The following GRID1 variants were observed in gnomAD, a reference collection of about 807,000 sequenced individuals.
GRID1 encodes glutamate receptor ionotropic, delta-1.
GRID1 carries 28 observed loss-of-function variants against 98.0 expected under a neutral mutation model. The observed-to-expected ratio is 0.29, with a 90% CI of 0.21 to 0.39. GRID1 has a LOEUF of 0.39. GRID1 is among the 10% of genes least tolerant of loss of function. The pLI is 1.00. For synonymous variants in GRID1, 553 were observed against 538.5 expected, an observed-to-expected ratio of 1.03 and a Z score of -0.37; for missense variants, 1,111 against 1,340.5, an observed-to-expected ratio of 0.83 and a Z score of 2.67.
intron 4 of GRID1, among the ~76,000 whole-genome samples, chr10:86,070,965 G>A (rs746366430): frequency 2.0e-5 from 3 of 152,152 alleles, no homozygotes; most frequent in Non-Finnish European, 4.4e-5. Context: ...ATCTCCAGGG[G>A]CCAATCCTGC....
chr10:85,727,296 C>A (rs1040725820), intron 10 of GRID1, among the ~76,000 whole-genome samples: 1 of 152,006 alleles, frequency 6.6e-6, no homozygotes, highest in Non-Finnish European at 1.5e-5. Flanking sequence ...GGGAAATGAC[C>A]CAGTGTCATG....
chr10:85,752,862 A>T (rs1842060870), intron 8 of GRID1, among the ~76,000 whole-genome samples: 1 of 152,182 alleles, frequency 6.6e-6, no homozygotes, highest in South Asian at 2.1e-4. Context: ...TCTAAGGGTT[A>T]TTTTAGTTAA....
At chr10:85,902,351 G>C (rs1021231598) in intron 5 of GRID1, among the ~76,000 whole-genome samples, 2 of 152,208 alleles carry the variant, frequency 1.3e-5, no homozygotes, top group African/African-American at 4.8e-5. Flanking sequence ...ACACTATGCA[G>C]AAGAGCATGC....
intron 12 of GRID1, among the ~76,000 whole-genome samples, chr10:85,698,037 T>A (rs80211111): frequency 1.3e-5 from 2 of 152,214 alleles, no homozygotes; most frequent in East Asian, 3.9e-4. Flanking sequence ...ACGGTGAGTA[T>A]GTGAGGGTAT....
chr10:85,918,545 T>A (rs1841653068), intron 4 of GRID1, among the ~76,000 whole-genome samples: 1 of 152,172 alleles, frequency 6.6e-6, no homozygotes, highest in Non-Finnish European at 1.5e-5. Flanking sequence ...ATGCACACTA[T>A]AGCCCAGTCA....
chr10:86,136,654 G>A (rs936980900), intron 4 of GRID1, among the ~76,000 whole-genome samples: 1 of 152,206 alleles, frequency 6.6e-6, no homozygotes, highest in East Asian at 1.9e-4. Flanking sequence ...CTAATGACAG[G>A]CGCATGAGAA....
At chr10:86,066,434 A>G (rs1843721374) in intron 4 of GRID1, among the ~76,000 whole-genome samples, 1 of 152,184 alleles carries the variant, frequency 6.6e-6, no homozygotes, top group Admixed American at 6.5e-5. Flanking sequence ...TTTAGCCCTA[A>G]GAGAGGACAC....
At chr10:86,006,075 A>G (rs568086787) in intron 4 of GRID1, among the ~76,000 whole-genome samples, 35 of 152,342 alleles carry the variant, frequency 2.3e-4, no homozygotes, top group Non-Finnish European at 4.4e-4. Context: ...ATCAAATATC[A>G]AAAATTATTA....
intron 8 of GRID1, among the ~76,000 whole-genome samples, chr10:85,811,984 C>T (rs1165580446): frequency 6.6e-6 from 1 of 152,030 alleles, no homozygotes; most frequent in Non-Finnish European, 1.5e-5. Context: ...TAAGAGAATT[C>T]CAATTAGACC....
rs150324499 is a variant in GRID1, at chr10:86,057,116, T to C, written c.726+81703A>G. Among the ~76,000 whole-genome samples, 15 of 152,326 alleles carry C rather than the reference T, an allele frequency of 9.8e-5. No individual in the cohort carries two copies. The East Asian group carries it at 2.5e-3, about 25-fold the overall frequency. ...ACCCTCCAGTGAGTGGAGAGGACTC[T>C]ACAGAGGTTTCTACAGGGTTGTGAG... On this transcript the variant is annotated intron_variant, in intron 4 of 15. Transcript: ENST00000327946.
chr10:86,354,337 CT>C (rs1167456690), intron 2 of GRID1, among the ~76,000 whole-genome samples: 2 of 152,238 alleles, frequency 1.3e-5, no homozygotes, highest in Non-Finnish European at 2.9e-5. Context: ...TGTCGTGTAC[CT>C]TGGCAGGGTC....
At chr10:85,824,290 C>A (rs1290187897) in intron 8 of GRID1, among the ~76,000 whole-genome samples, 1 of 152,194 alleles carries the variant, frequency 6.6e-6, no homozygotes, top group Non-Finnish European at 1.5e-5. Flanking sequence ...TGGCTCACTG[C>A]AACCTCCACC....
chr10:85,760,027 A>G lies in GRID1; in HGVS notation c.1234-30413T>C, dbSNP rs189253213. Among the ~76,000 whole-genome samples the G allele has an allele frequency of 2.3e-3, 344 of 152,298 alleles. 1 individual carries two copies. The highest frequency in any genetic ancestry group is 8.0e-3 in the African/African-American group (333 of 41,556). ...TTACATTCTCAAGTCTCCAGGCCTA[A>G]GTCTTCTCAGTGGGGCTCTTGATGG... On this transcript the variant is annotated intron_variant, in intron 8 of 15. Transcript: ENST00000327946.
chr10:86,063,969 A>T (rs1428666712), intron 4 of GRID1, among the ~76,000 whole-genome samples: 1 of 152,172 alleles, frequency 6.6e-6, no homozygotes, highest in Non-Finnish European at 1.5e-5. Context: ...CTGGCCCTTT[A>T]AAAAAGAGTG....
chr10:86,319,059 G>A (rs1847935106), intron 2 of GRID1, among the ~76,000 whole-genome samples: 1 of 152,134 alleles, frequency 6.6e-6, no homozygotes, highest in Non-Finnish European at 1.5e-5. Context: ...GTTCAGGGTG[G>A]GGGGAACTGG....
intron 4 of GRID1, among the ~76,000 whole-genome samples, chr10:86,072,106 C>G (rs2131921993): frequency 6.6e-6 from 1 of 152,208 alleles, no homozygotes; most frequent in Non-Finnish European, 1.5e-5. Context: ...CTTCTGGGAG[C>G]TAAAGGAGCA....
intron 2 of GRID1, among the ~76,000 whole-genome samples, chr10:86,246,592 C>T (rs1419691055): frequency 7.2e-5 from 11 of 152,190 alleles, no homozygotes; most frequent in East Asian, 3.8e-4. Flanking sequence ...ACCATTAACC[C>T]GGGCCTCCTC....
Position 86,265,296 on chromosome 10 carries a change from C to T in GRID1, c.236-58648G>A, listed in dbSNP as rs139096260. 2.7e-3 allele frequency among the ~76,000 whole-genome samples: 409 copies of T among 152,366 alleles called. 6 individuals carry two copies. Among genetic ancestry groups the T allele is most frequent in the African/African-American group, 8.9e-3 (369 of 41,596 alleles). ...CCTTTGTCCCATCCTTGCCCCCGAC[C>T]GATGGCTGCTATTGCAAAAGTGATC... On this transcript the variant is annotated intron_variant, in intron 2 of 15. Coordinates refer to ENST00000327946, the MANE Select transcript of GRID1 (RefSeq NM_017551.3).
chr10:86,315,991 A>G (rs955894707), intron 2 of GRID1, among the ~76,000 whole-genome samples: 7 of 151,710 alleles, frequency 4.6e-5, no homozygotes, highest in African/African-American at 1.5e-4. Context: ...TCATCCATCT[A>G]TCCATCTACA....
Sources: allele counts gnomAD v4.1 joint callset (sites outside exome capture counted in the v4.1 genomes callset), GRCh38; gene constraint gnomAD v4.1.1; transcripts MANE v1.5; gene names NCBI Gene and HGNC (gene_info 2026-07-23, HGNC 2026-07-21).